Variants in RMST observed in about 807,000 individuals in gnomAD.
RMST encodes long intergenic non-protein coding RNA 54.
At chr12:97,466,551 A>G (rs1873217285) in intron 5 of RMST, among the ~76,000 whole-genome samples, 2 of 152,122 alleles carry the variant, frequency 1.3e-5, no homozygotes, top group Admixed American at 1.3e-4. Flanking sequence ...ATTTCAAAGG[A>G]TCTAAGTGAA....
intron 7 of RMST, chr12:97,493,845 A>G (rs1877124767): frequency 1.3e-5 from 2 of 152,204 alleles, no homozygotes; most frequent in Non-Finnish European, 1.5e-5. Context: ...ACTATACATA[A>G]CATACTGATT....
chr12:97,490,266 T>C (rs984445577), intron 5 of RMST, among the ~76,000 whole-genome samples: 4 of 152,182 alleles, frequency 2.6e-5, no homozygotes, highest in African/African-American at 9.6e-5. Flanking sequence ...CACTTTTTAA[T>C]TTAAATCTCT....
intron 10 of RMST, among the ~76,000 whole-genome samples, chr12:97,506,197 C>T (rs547208443): frequency 1.6e-4 from 24 of 152,206 alleles, no homozygotes; most frequent in African/African-American, 4.1e-4. Flanking sequence ...TAGCATCAAA[C>T]TATCTTTTCA....
chr12:97,545,493 G>T (rs1836974453), intron 11 of RMST, among the ~76,000 whole-genome samples: 1 of 151,996 alleles, frequency 6.6e-6, no homozygotes, highest in Non-Finnish European at 1.5e-5. Flanking sequence ...CACCCTCAGA[G>T]AACAATTTTT....
chr12:97,545,070 C>T (rs561561922), intron 11 of RMST, among the ~76,000 whole-genome samples: 60 of 152,174 alleles, frequency 3.9e-4, no homozygotes, highest in African/African-American at 1.3e-3. Flanking sequence ...TGGTTTTTCC[C>T]ATTCTGGGTC....
intron 10 of RMST, among the ~76,000 whole-genome samples, chr12:97,496,294 G>A (rs956478305): frequency 6.6e-6 from 1 of 151,880 alleles, no homozygotes; most frequent in Non-Finnish European, 1.5e-5. Flanking sequence ...GCATGTTATG[G>A]GGCTACTTTC....
At chr12:97,472,086 G>A (rs1873986989) in intron 5 of RMST, among the ~76,000 whole-genome samples, 1 of 152,062 alleles carries the variant, frequency 6.6e-6, no homozygotes, top group African/African-American at 2.4e-5. Context: ...ATATGTGAAA[G>A]GCTGTAAGTG....
chr12:97,485,700 C>T (rs950096695), intron 5 of RMST, among the ~76,000 whole-genome samples: 3 of 152,194 alleles, frequency 2.0e-5, no homozygotes, highest in Non-Finnish European at 2.9e-5. Flanking sequence ...GAAGCATAAA[C>T]GGTTTGCTCA....
At chr12:97,552,574 G>A (rs917314952) in intron 11 of RMST, among the ~76,000 whole-genome samples, 13 of 152,126 alleles carry the variant, frequency 8.5e-5, no homozygotes, top group Admixed American at 2.6e-4. Context: ...GCCCTGCTCT[G>A]TTCTTAAGCA....
chr12:97,483,420 C>T lies in RMST; in HGVS notation n.645-9041C>T, dbSNP rs540552899. ...AGCAAGATGGATTTACTAGTATTTT[C>T]TATTCTTCAGACTTGAGGTTAACAT... On this transcript the variant is annotated intron_variant and non_coding_transcript_variant, in intron 5 of 13. Transcript: ENST00000640149. 24 of 152,278 alleles carry T rather than the reference C, an allele frequency of 1.6e-4. No individual in the cohort carries two copies. In the South Asian group the frequency reaches 5.0e-3, roughly 32 times the overall value. 9.4% of individuals were successfully genotyped at this position (152,278 alleles called of 1,614,324 possible).
chr12:97,523,567 A>G (rs914081393), intron 10 of RMST, among the ~76,000 whole-genome samples: 1 of 152,260 alleles, frequency 6.6e-6, no homozygotes, highest in Non-Finnish European at 1.5e-5. Context: ...ATGTATTAAA[A>G]CATCACACTG....
chr12:97,541,874 T>C (rs1565936178), intron 11 of RMST, among the ~76,000 whole-genome samples: 1 of 151,892 alleles, frequency 6.6e-6, no homozygotes, highest in Non-Finnish European at 1.5e-5. Context: ...ATGTCAGCTA[T>C]TGAAAAGGCA....
At chr12:97,480,792 G>A (rs1875186217) in intron 5 of RMST, among the ~76,000 whole-genome samples, 1 of 152,042 alleles carries the variant, frequency 6.6e-6, no homozygotes, top group Admixed American at 6.6e-5. Flanking sequence ...TTGCCTCTAA[G>A]TCTCTTCTCA....
At chr12:97,512,756 G>A (rs376100725) in intron 10 of RMST, among the ~76,000 whole-genome samples, 1 of 152,246 alleles carries the variant, frequency 6.6e-6, no homozygotes, top group East Asian at 1.9e-4. Flanking sequence ...TGCAGGTGGA[G>A]CTGCCTGCCA....
intron 5 of RMST, among the ~76,000 whole-genome samples, chr12:97,485,126 C>A (rs1296975693): frequency 2.6e-5 from 4 of 152,258 alleles, no homozygotes; most frequent in East Asian, 3.9e-4. Context: ...AGTCATGCTG[C>A]ATTTTTGAAA....
intron 10 of RMST, among the ~76,000 whole-genome samples, chr12:97,516,510 A>AAT (rs1879952880): frequency 6.6e-6 from 1 of 152,058 alleles, no homozygotes; most frequent in Non-Finnish European, 1.5e-5. Context: ...ATGTACATTG[A>AAT]ATATATCTTT....
chr12:97,505,872 AG>A (rs1176006940), intron 10 of RMST, among the ~76,000 whole-genome samples: 1 of 152,240 alleles, frequency 6.6e-6, no homozygotes, highest in African/African-American at 2.4e-5. Context: ...ATGGATGGAA[AG>A]AAAGTATGGT....
chr12:97,491,907 A>C (rs761411918), intron 5 of RMST: 6 of 532,726 alleles, frequency 1.1e-5, no homozygotes, highest in Admixed American at 9.7e-5. Flanking sequence ...TGGGTCAGCT[A>C]TGTGGACTCT....
rs1332892477 is a variant in RMST at position 97,474,613 on chromosome 12, AAAAAAGAAGCC to A, written n.644+8892_644+8902del. ...ACATTAAGACACACACAATTTGAAG[AAAAAAGAAGCC>A]AAAAAAAAAAAAAAAAAAAAACCTT... On this transcript the variant is annotated intron_variant and non_coding_transcript_variant, in intron 5 of 13. Coordinates refer to ENST00000640149, the Ensembl canonical transcript of RMST. Among the ~76,000 whole-genome samples the A allele has an allele frequency of 2.6e-3, 395 of 151,096 alleles. 5 individuals are homozygous for A. The highest frequency in any genetic ancestry group is 9.3e-3 in the African/African-American group (383 of 41,082).
Sources: gnomAD v4.1 joint callset for allele counts (sites outside exome capture counted in the v4.1 genomes callset) on GRCh38, gnomAD v4.1.1 for gene constraint, MANE v1.5 for transcripts, NCBI Gene and HGNC (gene_info 2026-07-23, HGNC 2026-07-21) for gene names.